The following SLC22A25 variants were observed in gnomAD, a reference collection of about 807,000 sequenced individuals.
SLC22A25 encodes the protein MGI:2442751, MGI:2385316, MGI:3042283, MGI:3645714, MGI:3605624, MGI:2442750.
In SLC22A25, 44 loss-of-function variants were observed where a neutral mutation model predicts 45.9. That is an observed-to-expected ratio of 0.96 (90% CI 0.75 to 1.23). The LOEUF (loss-of-function observed/expected upper bound fraction) is 1.23, where lower values mean the gene tolerates loss of function less well. Ranked by LOEUF, SLC22A25 falls within the 50% of genes most tolerant of loss-of-function variation. SLC22A25 has a pLI of 0.00. For missense variants in SLC22A25, 800 were observed against 666.4 expected, an observed-to-expected ratio of 1.20 and a Z score of -2.21; for synonymous variants, 283 against 238.6, an observed-to-expected ratio of 1.19 and a Z score of -1.72.
At chr11:63,228,624 A>C in intron 4 of SLC22A25, 60 bp from the exon 5 acceptor site, 1 of 1,241,312 alleles carries the variant, frequency 8.1e-7, no homozygotes, top group Non-Finnish European at 1.1e-6. Flanking sequence ...ACCTTATCAA[A>C]ATGTCTTAAA....
Position 63,161,445 on chromosome 11 carries a change from C to T in SLC22A25, c.*2379G>A, listed in dbSNP as rs532353401. Among the ~76,000 whole-genome samples the T allele has an allele frequency of 2.6e-4, 40 of 152,204 alleles. No homozygotes were observed. The highest frequency in any genetic ancestry group is 9.6e-4 in the African/African-American group (40 of 41,518). Reference sequence around the variant, plus strand: ...GAATGATATGGTTTGACTGTGTCCGCCTACCCAATCTCATCTTGAATTGTA... The same window carrying T: ...GAATGATATGGTTTGACTGTGTCCGTCTACCCAATCTCATCTTGAATTGTA... On this transcript the variant is annotated 3_prime_UTR_variant, in exon 12 of 12. Coordinates refer to ENST00000306494, the MANE Select transcript of SLC22A25 (RefSeq NM_199352.6).
At chr11:63,182,980 C>T (rs2088382963) in intron 8 of SLC22A25, among the ~76,000 whole-genome samples, 1 of 152,090 alleles carries the variant, frequency 6.6e-6, no homozygotes, top group South Asian at 2.1e-4. Context: ...AGTAAAAGCT[C>T]CATTCAGGCT....
At chr11:63,222,023 T>C (rs2134825921) in intron 5 of SLC22A25, among the ~76,000 whole-genome samples, 1 of 152,284 alleles carries the variant, frequency 6.6e-6, no homozygotes, top group South Asian at 2.1e-4. Flanking sequence ...CTTGTTTTGG[T>C]TACGATAGCT....
chr11:63,193,550 A>G (rs1329936901), intron 7 of SLC22A25, among the ~76,000 whole-genome samples: 1 of 152,234 alleles, frequency 6.6e-6, no homozygotes, highest in East Asian at 1.9e-4. Context: ...GCAAACTCCA[A>G]CAGACCTGCA....
chr11:63,184,398 C>T (rs2088443291), intron 7 of SLC22A25, among the ~76,000 whole-genome samples: 1 of 152,238 alleles, frequency 6.6e-6, no homozygotes, highest in South Asian at 2.1e-4. Context: ...TACACTTTCT[C>T]TCTATCTGAA....
chr11:63,165,830 A>T (rs1384550921), intron 10 of SLC22A25, among the ~76,000 whole-genome samples: 1 of 152,200 alleles, frequency 6.6e-6, no homozygotes, highest in Non-Finnish European at 1.5e-5. Context: ...TGTGCTGAAG[A>T]CAACCATATA....
At chr11:63,179,669 T>C (rs1351665412) in intron 9 of SLC22A25, among the ~76,000 whole-genome samples, 2 of 152,118 alleles carry the variant, frequency 1.3e-5, no homozygotes, top group African/African-American at 4.8e-5. Flanking sequence ...ACTGGCATAA[T>C]GGTTGGGCTA....
intron 2 of SLC22A25, among the ~76,000 whole-genome samples, chr11:63,238,290 T>C (rs1422179450): frequency 2.0e-5 from 3 of 152,170 alleles, no homozygotes; most frequent in Non-Finnish European, 4.4e-5. Context: ...TAGAGTGCAA[T>C]CATTTGTGAA....
chr11:63,237,407 A>G (rs1420739594), intron 3 of SLC22A25, among the ~76,000 whole-genome samples: 3 of 152,172 alleles, frequency 2.0e-5, no homozygotes, highest in Non-Finnish European at 2.9e-5. Context: ...GATCCTGATG[A>G]TAGGATGAAA....
At position 63,243,495 on chromosome 11, in the gene SLC22A25, T is replaced by C; in HGVS notation, c.-1057A>G. 1.3e-6 allele frequency: 1 copy of C among 763,284 alleles called. No individual in the cohort carries two copies. Among genetic ancestry groups the C allele is most frequent in the Non-Finnish European group, 2.5e-6 (1 of 408,006 alleles). 47.3% of individuals were successfully genotyped at this position (763,284 alleles called of 1,614,324 possible). A position where few individuals can be genotyped will look rare whatever the true frequency, so the allele number is the denominator to read the frequency against. The stretch of plus-strand genomic sequence containing the variant: ...TCCCATCTGCAACTCCTGGGTGCTG[T>C]CTGCATGTTCCTGGCCTCCAGGCTC... On this transcript the variant is annotated 5_prime_UTR_variant, in exon 1 of 12. Coordinates refer to ENST00000306494, the MANE Select transcript of SLC22A25 (RefSeq NM_199352.6).
chr11:63,166,928 C>A, intron 9 of SLC22A25: 3 of 883,046 alleles, frequency 3.4e-6, no homozygotes, highest in Non-Finnish European at 4.1e-6. Context: ...CAGCTCCCAG[C>A]GAGAGCAATG....
At chr11:63,210,400 G>A (rs1486465460) in intron 7 of SLC22A25, among the ~76,000 whole-genome samples, 1 of 152,190 alleles carries the variant, frequency 6.6e-6, no homozygotes, top group Non-Finnish European at 1.5e-5. Flanking sequence ...GCTGAGGAAG[G>A]GGGAAGACAA....
intron 3 of SLC22A25, among the ~76,000 whole-genome samples, chr11:63,237,222 G>A (rs1005082935): frequency 6.6e-6 from 1 of 152,120 alleles, no homozygotes; most frequent in Non-Finnish European, 1.5e-5. Context: ...GGTATAGGTT[G>A]AAAAAACCCC....
intron 3 of SLC22A25, among the ~76,000 whole-genome samples, chr11:63,236,771 A>G (rs2090171781): frequency 6.6e-6 from 1 of 152,032 alleles, no homozygotes; most frequent in Admixed American, 6.5e-5. Context: ...TGTAGACTGG[A>G]GCTGTTTCTA....
At chr11:63,189,173 G>T (rs1325693907) in intron 7 of SLC22A25, among the ~76,000 whole-genome samples, 1 of 152,070 alleles carries the variant, frequency 6.6e-6, no homozygotes, top group Non-Finnish European at 1.5e-5. Context: ...TTATTGTGTG[G>T]GAGCCTAAGT....
chr11:63,233,876 C>T (rs553065946), intron 3 of SLC22A25, among the ~76,000 whole-genome samples: 12 of 152,304 alleles, frequency 7.9e-5, no homozygotes, highest in South Asian at 6.2e-4. Context: ...TTTATTTCTG[C>T]CTTCATTTCG....
intron 1 of SLC22A25, chr11:63,243,130 A>T (rs2090277847): frequency 5.7e-6 from 1 of 175,604 alleles, no homozygotes; most frequent in Admixed American, 6.0e-5. Flanking sequence ...CAGAGCCACG[A>T]GGGACTGCAA....
chr11:63,200,131 G>GA (rs1379241630), intron 7 of SLC22A25, among the ~76,000 whole-genome samples: 1 of 151,818 alleles, frequency 6.6e-6, no homozygotes, highest in Non-Finnish European at 1.5e-5. Flanking sequence ...TTGAGGAGTA[G>GA]AAACTCCTCC....
intron 5 of SLC22A25, among the ~76,000 whole-genome samples, chr11:63,227,649 A>C (rs2089988555): frequency 6.6e-6 from 1 of 152,168 alleles, no homozygotes; most frequent in Non-Finnish European, 1.5e-5. Flanking sequence ...TTAGCCACCC[A>C]AGCTGTTTTC....
Sources: gnomAD v4.1 joint callset for allele counts (sites outside exome capture counted in the v4.1 genomes callset) on GRCh38, gnomAD v4.1.1 for gene constraint, MANE v1.5 for transcripts, NCBI Gene and HGNC (gene_info 2026-07-23, HGNC 2026-07-21) for gene names.